Variants in TMEM191C observed in about 807,000 individuals in gnomAD.
TMEM191C encodes the protein transmembrane protein 191C, also known as KB-1323B2.6.
Under a neutral mutation model 37.1 loss-of-function variants are expected in TMEM191C, and 26 were observed. The observed-to-expected ratio is 0.70, with a 90% CI of 0.51 to 0.97. The LOEUF is 0.97. Among genes scored for constraint, TMEM191C ranks in the 50% least tolerant of loss-of-function variants. The probability of loss-of-function intolerance (pLI) is 0.00; values close to 1 mark genes in which losing one functional copy is unlikely to be tolerated. For missense variants in TMEM191C, 240 were observed against 294.7 expected, an observed-to-expected ratio of 0.81 and a Z score of 1.36; for synonymous variants, 115 against 143.7, an observed-to-expected ratio of 0.80 and a Z score of 1.43.
At position 21,469,804 on chromosome 22, in the gene TMEM191C, G is replaced by T. The variant is rs1023988631; in HGVS notation, c.892G>T (p.Gly298Trp). 31 of 1,532,468 alleles carry T rather than the reference G, an allele frequency of 2.0e-5. No individual in the cohort carries two copies. The highest frequency in any genetic ancestry group is 2.5e-5 in the Non-Finnish European group (29 of 1,146,350). 94.9% of individuals were successfully genotyped at this position (1,532,468 alleles called of 1,614,324 possible). A position where few individuals can be genotyped will look rare whatever the true frequency, so the allele number is the denominator to read the frequency against. The change falls in exon 10 of 10, where the codon GGG becomes TGG. Residue 298 changes from glycine (G) to tryptophan (W), a missense_variant. Around this residue, in one of 3 missense-constraint regions of TMEM191C, gnomAD observed 76 missense variants for 100.0 expected, o/e 0.76. Transcript: ENST00000536718. The stretch of plus-strand genomic sequence containing the variant: ...CCCGCTGCTGGAGCTGCGCGCTAAC[G>T]GGCTTCTGCCAACCTAAGTGCAGCG... Reference protein sequence around the residue: ...LSPLLELRANGLLPT With the variant: ...LSPLLELRANWLLPT
intron 9 of TMEM191C, 34 bp downstream of exon 9, chr22:21,469,568 C>T (rs1437592249): frequency 5.5e-6 from 8 of 1,459,368 alleles, no homozygotes; most frequent in Middle Eastern, 2.4e-4. Flanking sequence ...CGCGGTCCCC[C>T]AGGTGCCCGC....
In TMEM191C at chr22:21,467,595, C is replaced by T. The variant is rs1027839786; in HGVS notation, c.136C>T (p.Leu46=). The change falls in exon 1 of 10, where the codon CTG becomes TTG. Residue 46 remains leucine, a synonymous_variant. Transcript: ENST00000536718. The stretch of plus-strand genomic sequence containing the variant: ...GAGCCTCAACCAGCGCCTGCAGGAC[C>T]TGAGCGAGCGGGAGCGGAGGTGCGC... ...SESLNQRLQD[L]SERERSLLRR... The T allele has an allele frequency of 3.3e-6, 5 of 1,530,122 alleles. No individual in the cohort carries two copies. The African/African-American group carries it at 5.5e-5, about 17-fold the overall frequency. The allele number at this position is 1,530,122 out of a possible 1,614,324, so 94.8% of individuals were successfully genotyped here. A position where few individuals can be genotyped will look rare whatever the true frequency, so the allele number is the denominator to read the frequency against.
At chr22:21,468,713 G>A in intron 4 of TMEM191C, 66 bp from the exon 5 acceptor site, 1 of 597,070 alleles carries the variant, frequency 1.7e-6, no homozygotes, top group Non-Finnish European at 2.9e-6. Context: ...GGCCGGGGGC[G>A]GGGCCCGGAG....
In TMEM191C at chr22:21,469,632, C is replaced by CGCGCTGCAG; in HGVS notation, c.722_730dup (p.Ala241_Gln243dup). 1 of 1,484,500 alleles carries CGCGCTGCAG rather than the reference C, an allele frequency of 6.7e-7. No individual in the cohort carries two copies. Among genetic ancestry groups the CGCGCTGCAG allele is most frequent in the Non-Finnish European group, 8.9e-7 (1 of 1,126,290 alleles). 92.0% of individuals were successfully genotyped at this position (1,484,500 alleles called of 1,614,324 possible). On this transcript the variant is annotated inframe_insertion, in exon 10 of 10. Coordinates refer to ENST00000536718, the MANE Select transcript of TMEM191C (RefSeq NM_001388354.1). ...CGCCCCGCAGGCGGTGCGTGCTGGGCGCGCTGCAGGTGCTGCTGACGCTGC... is the reference window on the plus strand; with the variant it reads ...CGCCCCGCAGGCGGTGCGTGCTGGGCGCGCTGCAGGCGCTGCAGGTGCTGCTGACGCTGC...
rs1266375936 is a variant in TMEM191C, at chr22:21,468,147, C to G, written c.280-5C>G. On this transcript the variant is annotated splice_polypyrimidine_tract_variant and splice_region_variant and intron_variant, in intron 2 of 9. Transcript: ENST00000536718. ...GTCGGCACCGCCCCAGGACCCCGTC[C>G]GCAGGAGCAGCACAGCAGGCAGCTG... 1 of 1,507,272 alleles carries G rather than the reference C, an allele frequency of 6.6e-7. No individual in the cohort carries two copies. Among genetic ancestry groups the G allele is most frequent in the Non-Finnish European group, 8.8e-7 (1 of 1,135,202 alleles). 93.4% of individuals were successfully genotyped at this position (1,507,272 alleles called of 1,614,324 possible).
chr22:21,468,069 C>A, intron 2 of TMEM191C, 52 bp downstream of exon 2: 2 of 1,089,510 alleles, frequency 1.8e-6, no homozygotes, highest in Non-Finnish European at 2.5e-6. Context: ...TGGGGCAGGG[C>A]GGGCGGAAGG....
chr22:21,467,655 G>T (rs1332363308), intron 1 of TMEM191C, 41 bp downstream of exon 1: 2 of 1,485,544 alleles, frequency 1.3e-6, no homozygotes, highest in African/African-American at 2.8e-5. Flanking sequence ...GCGCGCGAGG[G>T]TCGGTCCCGC....
chr22:21,468,538 G>A, intron 4 of TMEM191C, 107 bp downstream of exon 4: 1 of 640,186 alleles, frequency 1.6e-6, no homozygotes, highest in South Asian at 1.8e-5. Context: ...AGGCGTGGGC[G>A]GGGCGGGGAA....
chr22:21,468,643 G>T, intron 4 of TMEM191C, 136 bp from the exon 5 acceptor site: 1 of 1,408,540 alleles, frequency 7.1e-7, no homozygotes. Flanking sequence ...CTGGGGCGTT[G>T]CTTACGACTG....
Position 21,469,467 on chromosome 22 carries a change from G to C in TMEM191C, c.664-27G>C, listed in dbSNP as rs1276434550. The stretch of plus-strand genomic sequence containing the variant: ...GGCCGGCGCCGCGGGCGCGGAGGTA[G>C]CTGGATGCGGCCCTCTCTCCCCGCA... On this transcript the variant is annotated intron_variant, in intron 8 of 9. Coordinates refer to ENST00000536718, the MANE Select transcript of TMEM191C (RefSeq NM_001388354.1). 6 of 1,346,930 alleles carry C rather than the reference G, an allele frequency of 4.5e-6. No homozygotes were observed. The African/African-American group carries it at 9.4e-5, about 21-fold the overall frequency. 83.4% of individuals were successfully genotyped at this position (1,346,930 alleles called of 1,614,324 possible). A position where few individuals can be genotyped will look rare whatever the true frequency, so the allele number is the denominator to read the frequency against.
chr22:21,468,426 C>T lies in TMEM191C; in HGVS notation c.403C>T (p.Leu135=), dbSNP rs1441708585. 7 of 1,527,806 alleles carry T rather than the reference C, an allele frequency of 4.6e-6. No homozygotes were observed. Among genetic ancestry groups the T allele is most frequent in the South Asian group, 1.2e-5 (1 of 83,744 alleles). The allele number at this position is 1,527,806 out of a possible 1,614,324, so 94.6% of individuals were successfully genotyped here. Residue 135 remains leucine, a synonymous_variant, in exon 4 of 10, where the codon CTG becomes TTG. Coordinates refer to ENST00000536718, the MANE Select transcript of TMEM191C (RefSeq NM_001388354.1). Reference sequence around the variant, plus strand: ...GCAACTCGCAGCCCAATTGGTGACGCTGCAGGTGCTTGAGCGGGACCCTGA... The same window carrying T: ...GCAACTCGCAGCCCAATTGGTGACGTTGCAGGTGCTTGAGCGGGACCCTGA... The part of the protein sequence containing the change: ...EQQLAAQLVT[L]QNELELAETK...
chr22:21,468,453 G>C, intron 4 of TMEM191C, 22 bp downstream of exon 4: 1 of 1,403,166 alleles, frequency 7.1e-7, no homozygotes, highest in South Asian at 1.2e-5. Context: ...GGACCCTGAG[G>C]TGTTTAGTAG....
chr22:21,469,539 G>A lies in TMEM191C; in HGVS notation c.704+5G>A, dbSNP rs1481253913. 5.1e-6 allele frequency: 7 copies of A among 1,379,098 alleles called. No homozygotes were observed. Among genetic ancestry groups the A allele is most frequent in the Non-Finnish European group, 5.6e-6 (6 of 1,077,626 alleles). 85.4% of individuals were successfully genotyped at this position (1,379,098 alleles called of 1,614,324 possible). A position where few individuals can be genotyped will look rare whatever the true frequency, so the allele number is the denominator to read the frequency against. On this transcript the variant is annotated splice_donor_5th_base_variant and intron_variant, in intron 9 of 9. Coordinates refer to ENST00000536718, the MANE Select transcript of TMEM191C (RefSeq NM_001388354.1). ...CCCTCGCGCGCTGGCCATCAGGTGA[G>A]CCGGGCGGTGGGCGCGGCCGCGGTC...
rs1924684902 is a variant in TMEM191C at position 21,469,880 on chromosome 22, T to C, written c.*59T>C. ...CCAGGGCACCTGGCTTTATTTCTGG[T>C]GCACTCCTCTCCTGAGAGTGTAGAC... is the stretch of plus-strand genomic sequence containing the variant. On this transcript the variant is annotated 3_prime_UTR_variant, in exon 10 of 10. Coordinates refer to ENST00000536718, the MANE Select transcript of TMEM191C (RefSeq NM_001388354.1). The C allele has an allele frequency of 6.7e-7, 1 of 1,485,812 alleles. No homozygotes were observed. The highest frequency in any genetic ancestry group is 8.9e-7 in the Non-Finnish European group (1 of 1,128,792). 92.0% of individuals were successfully genotyped at this position (1,485,812 alleles called of 1,614,324 possible).
chr22:21,467,523 A>C lies in TMEM191C; in HGVS notation c.64A>C (p.Lys22Gln). 9.9e-7 allele frequency: 1 copy of C among 1,010,278 alleles called. No individual in the cohort carries two copies. The highest frequency in any genetic ancestry group is 1.4e-6 in the Non-Finnish European group (1 of 711,088). 62.6% of individuals were successfully genotyped at this position (1,010,278 alleles called of 1,614,324 possible). ...GGATAACCGAGATGGTCGCCAGCGG[A>C]AGCAGGAGCTAGAGAAGCTGATGCG... Reference protein sequence around the residue: ...QKDNRDGRQRKQELEKLMRGL... With the variant: ...QKDNRDGRQRQQELEKLMRGL... The change falls in exon 1 of 10, where the codon AAG becomes CAG. Residue 22 changes from lysine to glutamine, a missense_variant. This residue lies in a region of TMEM191C where 130 missense variants were observed against 105.7 expected (regional missense o/e 1.23). Coordinates refer to ENST00000536718, the MANE Select transcript of TMEM191C (RefSeq NM_001388354.1).
At chr22:21,468,333 C>T (rs1601352540) in intron 3 of TMEM191C, 21 bp from the exon 4 acceptor site, 1 of 1,535,512 alleles carries the variant, frequency 6.5e-7, no homozygotes, top group East Asian at 2.4e-5. Context: ...TAAACCCCGC[C>T]CTTACAAGCC....
chr22:21,468,173 C>G lies in TMEM191C; in HGVS notation c.301C>G (p.Gln101Glu), dbSNP rs1168722034. 94 of 1,519,136 alleles carry G rather than the reference C, an allele frequency of 6.2e-5. No individual in the cohort carries two copies. In the East Asian group the frequency reaches 2.3e-3, roughly 37 times the overall value. The allele number at this position is 1,519,136 out of a possible 1,614,324, so 94.1% of individuals were successfully genotyped here. Reference protein sequence around the residue: ...EYLEQHSRQLQEQWEELSSQL... With the variant: ...EYLEQHSRQLEEQWEELSSQL... ...GCAGGAGCAGCACAGCAGGCAGCTG[C>G]AGGAGCAGTGGGAGGAGCTGTCGAG... Residue 101 changes from glutamine (Q) to glutamate (E), a missense_variant, in exon 3 of 10, where the codon CAG becomes GAG. This residue lies in a region of TMEM191C where 130 missense variants were observed against 105.7 expected (regional missense o/e 1.23). Transcript: ENST00000536718.
chr22:21,468,293 C>A (rs1408616621), intron 3 of TMEM191C, 61 bp from the exon 4 acceptor site: 15 of 1,535,030 alleles, frequency 9.8e-6, no homozygotes, highest in Non-Finnish European at 1.3e-5. Flanking sequence ...GTCCCTGTCT[C>A]CCCTGACACC....
chr22:21,469,293 G>C lies in TMEM191C; in HGVS notation c.610G>C (p.Gly204Arg), dbSNP rs1223435108. 6 of 1,422,144 alleles carry C rather than the reference G, an allele frequency of 4.2e-6. No homozygotes were observed. Among genetic ancestry groups the C allele is most frequent in the Non-Finnish European group, 3.7e-6 (4 of 1,091,050 alleles). The allele number at this position is 1,422,144 out of a possible 1,614,324, so 88.1% of individuals were successfully genotyped here. The change falls in exon 8 of 10, where the codon GGA becomes CGA. Residue 204 changes from glycine (G) to arginine (R), a missense_variant. This residue lies in a region of TMEM191C where 34 missense variants were observed against 89.0 expected (regional missense o/e 0.38). Transcript: ENST00000536718. ...CCGCAGGTGTGACGGGCAGCTTCGC[G>C]GAGTGCAGTACAGCACCGAATCGCT... ...GRELCDGQLR[G>R]VQYSTESLME...
Sources: allele counts gnomAD v4.1 joint callset, GRCh38; gene constraint gnomAD v4.1.1; regional missense constraint gnomAD v4.1.1; transcripts MANE v1.5; gene names NCBI Gene and HGNC (gene_info 2026-07-23, HGNC 2026-07-21).